Variants in NPRL3 observed in about 807,000 individuals in gnomAD.
The protein encoded by NPRL3 is NPR3 like, GATOR1 complex subunit, also known as GATOR1 complex protein NPRL3.
In NPRL3, 23 loss-of-function variants were observed where a neutral mutation model predicts 57.2. The ratio of observed to expected loss-of-function variants is 0.40; its 90% CI spans 0.29 to 0.57. The LOEUF (loss-of-function observed/expected upper bound fraction) is 0.57, where lower values mean the gene tolerates loss of function less well. Among genes scored for constraint, NPRL3 ranks in the 20% least tolerant of loss-of-function variants. NPRL3 has a pLI of 0.42. For synonymous variants in NPRL3, 333 were observed against 321.1 expected (o/e 1.04, Z -0.39); for missense variants, 691 against 767.1 (o/e 0.90, Z 1.17).
chr16:119,085 T>TCTGCCCAGGGAGAGCCCCAC (rs765560576), intron 4 of NPRL3, 41 bp downstream of exon 4: 13 of 1,523,672 alleles, frequency 8.5e-6, no homozygotes, highest in Non-Finnish European at 1.1e-5. Flanking sequence ...GAGAGCCACA[T>TCTGCCCAGGGAGAGCCCCAC]CTGCCCAGGG....
In NPRL3 at chr16:135,470, G is replaced by A. The variant is rs992629239; in HGVS notation, c.118+2680C>T. 4.6e-5 allele frequency among the ~76,000 whole-genome samples: 7 copies of A among 152,124 alleles called. No individual in the cohort carries two copies. The South Asian group carries it at 1.0e-3, about 23-fold the overall frequency. Reference sequence around the variant, plus strand: ...CTAAAAATACAAAAATTAGCCAGGCGTGGTGGCACGCACCTGTAAACCCAG... The same window carrying A: ...CTAAAAATACAAAAATTAGCCAGGCATGGTGGCACGCACCTGTAAACCCAG... On this transcript the variant is annotated intron_variant, in intron 2 of 13. Coordinates refer to ENST00000611875, the MANE Select transcript of NPRL3 (RefSeq NM_001077350.3).
chr16:122,318 C>T (rs796259987), intron 3 of NPRL3, among the ~76,000 whole-genome samples: 178 of 151,818 alleles, frequency 1.2e-3, no homozygotes, highest in African/African-American at 4.1e-3. Flanking sequence ...AGGCTGGTCT[C>T]GACCTCCTGA....
chr16:86,598 G>A lies in NPRL3; in HGVS notation c.*107C>T, dbSNP rs1567127289. ...GCCAGCCCGCATCCACCCAATGCCAGGCCTCAGGGCCAAGAGGGCTCAGCC... is the reference window on the plus strand; with the variant it reads ...GCCAGCCCGCATCCACCCAATGCCAAGCCTCAGGGCCAAGAGGGCTCAGCC... On this transcript the variant is annotated 3_prime_UTR_variant, in exon 14 of 14. Transcript: ENST00000611875. 2 of 1,179,774 alleles carry A rather than the reference G, an allele frequency of 1.7e-6. No homozygotes were observed. Among genetic ancestry groups the A allele is most frequent in the East Asian group, 2.6e-5 (1 of 38,704 alleles). The allele number at this position is 1,179,774 out of a possible 1,614,324, so 73.1% of individuals were successfully genotyped here.
intron 13 of NPRL3, among the ~76,000 whole-genome samples, chr16:87,714 C>G (rs77766926): frequency 6.6e-6 from 1 of 151,792 alleles, no homozygotes; most frequent in African/African-American, 2.4e-5. Context: ...GGACTACAGG[C>G]GCCCGCCACC....
intron 13 of NPRL3, among the ~76,000 whole-genome samples, chr16:87,139 C>T (rs1432462271): frequency 1.3e-5 from 2 of 152,216 alleles, no homozygotes; most frequent in Non-Finnish European, 2.9e-5. Flanking sequence ...CCCAAGCCTG[C>T]GTCCTGATGT....
intron 8 of NPRL3, 81 bp from the exon 9 acceptor site, chr16:98,382 T>C: frequency 6.8e-7 from 1 of 1,459,900 alleles, no homozygotes; most frequent in South Asian, 1.3e-5. Flanking sequence ...GCACCAGGTA[T>C]GCACCGGGTA....
intron 3 of NPRL3, among the ~76,000 whole-genome samples, chr16:121,196 G>C (rs1304757557): frequency 6.6e-6 from 1 of 152,228 alleles, no homozygotes; most frequent in Non-Finnish European, 1.5e-5. Context: ...GAGGCAAGCA[G>C]TGGTAGCCCA....
chr16:90,310 TCCACCTCCACACAAGC>T, intron 11 of NPRL3: 1 of 213,292 alleles, frequency 4.7e-6, no homozygotes, highest in South Asian at 6.8e-5. Context: ...AGCCAGCAAG[TCCACCTCCACACAAGC>T]CCAGACACTG....
chr16:111,037 A>T (rs1292127526), intron 6 of NPRL3, among the ~76,000 whole-genome samples: 1 of 152,256 alleles, frequency 6.6e-6, no homozygotes, highest in African/African-American at 2.4e-5. Flanking sequence ...TAAAAAAACA[A>T]AACTTTTGGA....
In NPRL3 at chr16:122,027, G is replaced by A. The variant is rs190848334; in HGVS notation, c.189-2772C>T. 2.1e-3 allele frequency among the ~76,000 whole-genome samples: 312 copies of A among 151,510 alleles called. 4 individuals are homozygous for A. In the East Asian group the frequency reaches 0.032, roughly 16 times the overall value. On this transcript the variant is annotated intron_variant, in intron 3 of 13. Coordinates refer to ENST00000611875, the MANE Select transcript of NPRL3 (RefSeq NM_001077350.3). ...TGACCTCAGGTGATCCGCCCGCCTCGGCCTCCCAAAGTGCTGGGATGACAG... is the reference window on the plus strand; with the variant it reads ...TGACCTCAGGTGATCCGCCCGCCTCAGCCTCCCAAAGTGCTGGGATGACAG...
At chr16:119,564 A>C (rs1900198041) in intron 3 of NPRL3, among the ~76,000 whole-genome samples, 1 of 152,262 alleles carries the variant, frequency 6.6e-6, no homozygotes, top group Non-Finnish European at 1.5e-5. Context: ...AGGGAGGATC[A>C]GCTGGAGCCG....
intron 7 of NPRL3, 59 bp downstream of exon 7, chr16:110,466 C>G (rs540836318): frequency 1.4e-6 from 2 of 1,396,488 alleles, no homozygotes; most frequent in Admixed American, 1.9e-5. Flanking sequence ...CGCTGCTCCT[C>G]AGGCCCAGGC....
chr16:92,723 T>G lies in NPRL3; in HGVS notation c.1034A>C (p.Tyr345Ser), dbSNP rs1338036697. Reference sequence around the variant, plus strand: ...GGAGAACTGCTCGGCCAGCGGGGAGTACCTGCAGGCAGGTGAGCATGCCAG... The same window carrying G: ...GGAGAACTGCTCGGCCAGCGGGGAGGACCTGCAGGCAGGTGAGCATGCCAG... ...MLSPNASVCL[Y>S]SPLAEQFSHQ... Residue 345 changes from tyrosine to serine, a missense_variant and splice_region_variant, in exon 11 of 14, where the codon TAC becomes TCC. Coordinates refer to ENST00000611875, the MANE Select transcript of NPRL3 (RefSeq NM_001077350.3). The G allele has an allele frequency of 1.2e-6, 2 of 1,613,084 alleles. No homozygotes were observed. Among genetic ancestry groups the G allele is most frequent in the Non-Finnish European group, 1.7e-6 (2 of 1,179,632 alleles).
intron 9 of NPRL3, 147 bp downstream of exon 9, chr16:97,998 T>C: frequency 1.1e-6 from 1 of 950,732 alleles, no homozygotes; most frequent in Non-Finnish European, 1.5e-6. Context: ...CCTCCAGCCA[T>C]CCCAGGGACT....
intron 3 of NPRL3, chr16:123,628 T>C (rs540771513): frequency 4.4e-6 from 2 of 459,338 alleles, no homozygotes; most frequent in Non-Finnish European, 9.0e-6. Context: ...GGCTATTTTA[T>C]AAAAACTGCA....
intron 7 of NPRL3, among the ~76,000 whole-genome samples, chr16:106,765 GTCAGTCACCA>G (rs1899549657): frequency 6.6e-6 from 1 of 151,698 alleles, no homozygotes; most frequent in Admixed American, 6.6e-5. Context: ...AGATCTGGCA[GTCAGTCACCA>G]TCAGGAGAAA....
chr16:134,590 G>A (rs1361691840), intron 2 of NPRL3, among the ~76,000 whole-genome samples: 3 of 151,528 alleles, frequency 2.0e-5, no homozygotes, highest in African/African-American at 4.8e-5. Flanking sequence ...AAAGTTTACA[G>A]GGAAAAATAA....
At chr16:91,158 A>T (rs1898747601) in intron 11 of NPRL3, 1 of 151,784 alleles carries the variant, frequency 6.6e-6, no homozygotes, top group African/African-American at 2.4e-5. Flanking sequence ...TGGGTGGATC[A>T]CCTGAGGTCA....
At chr16:110,692 C>CATGA in intron 6 of NPRL3, 86 bp from the exon 7 acceptor site, 1 of 1,058,770 alleles carries the variant, frequency 9.4e-7, no homozygotes, top group South Asian at 1.4e-5. Context: ...GGATTACAGG[C>CATGA]GCCCGCCACC....
Sources: gnomAD v4.1 joint callset for allele counts (sites outside exome capture counted in the v4.1 genomes callset) on GRCh38, gnomAD v4.1.1 for gene constraint, MANE v1.5 for transcripts, NCBI Gene and HGNC (gene_info 2026-07-23, HGNC 2026-07-21) for gene names.